ACTR2: variants seen among roughly 807,000 people sequenced by gnomAD.
ACTR2 encodes the protein actin-related protein 2.
Under a neutral mutation model 50.2 loss-of-function variants are expected in ACTR2, and 5 were observed. The ratio of observed to expected loss-of-function variants is 0.10; its 90% CI spans 0.05 to 0.21. The LOEUF (loss-of-function observed/expected upper bound fraction) is 0.21, where lower values mean the gene tolerates loss of function less well. Among genes scored for constraint, ACTR2 ranks in the 10% least tolerant of loss-of-function variants. The probability of loss-of-function intolerance (pLI) is 1.00; values close to 1 mark genes in which losing one functional copy is unlikely to be tolerated. For missense variants in ACTR2, 180 were observed against 480.6 expected (o/e 0.37, Z 5.85); for synonymous variants, 140 against 162.9 (o/e 0.86, Z 1.07).
intron 2 of ACTR2, chr2:65,242,089 G>A (rs759155219): frequency 1.3e-6 from 2 of 1,552,160 alleles, no homozygotes; most frequent in Admixed American, 3.3e-5. Flanking sequence ...CACATGCTCT[G>A]TTTGTTTTCC....
rs11424 is a variant in ACTR2, at chr2:65,268,884, C to T, written c.*150C>T. 3.6e-6 allele frequency: 3 copies of T among 828,572 alleles called. No homozygotes were observed. Among genetic ancestry groups the T allele is most frequent in the Middle Eastern group, 2.4e-4 (1 of 4,232 alleles). The allele number at this position is 828,572 out of a possible 1,614,324, so 51.3% of individuals were successfully genotyped here. A position where few individuals can be genotyped will look rare whatever the true frequency, so the allele number is the denominator to read the frequency against. On this transcript the variant is annotated 3_prime_UTR_variant, in exon 9 of 9. Transcript: ENST00000260641. ...GTTTTATTCTGGTGTCTTGGGGAAGCTTTGTTAAATTTTTGTTAATGTGGG... is the reference window on the plus strand; with the variant it reads ...GTTTTATTCTGGTGTCTTGGGGAAGTTTTGTTAAATTTTTGTTAATGTGGG...
chr2:65,237,860 G>T (rs1158609070), intron 1 of ACTR2, among the ~76,000 whole-genome samples: 1 of 152,084 alleles, frequency 6.6e-6, no homozygotes, highest in Non-Finnish European at 1.5e-5. Context: ...TACACCTGTA[G>T]TCCCAGCTAC....
chr2:65,260,904 G>A (rs1325042694), intron 6 of ACTR2, among the ~76,000 whole-genome samples: 1 of 151,744 alleles, frequency 6.6e-6, no homozygotes, highest in East Asian at 1.9e-4. Flanking sequence ...CTAATTTTTT[G>A]TATTTTTAGT....
chr2:65,265,155 G>A lies in ACTR2; in HGVS notation c.994G>A (p.Gly332Ser). Residue 332 changes from glycine (G) to serine (S), a missense_variant, in exon 8 of 9, where the codon GGT becomes AGT. Coordinates refer to ENST00000260641, the MANE Select transcript of ACTR2 (RefSeq NM_005722.4). The part of the protein sequence containing the change: ...KQLYLERVLK[G>S]DVEKLSKFKI... ...GCTTTACTTAGAACGAGTTTTGAAG[G>A]GTGATGTGGAAAAACTTTCTGTAAG... The A allele has an allele frequency of 6.2e-7, 1 of 1,614,138 alleles. No homozygotes were observed. The highest frequency in any genetic ancestry group is 8.5e-7 in the Non-Finnish European group (1 of 1,180,026).
chr2:65,268,003 A>AT (rs552406136), intron 8 of ACTR2, among the ~76,000 whole-genome samples: 11 of 149,120 alleles, frequency 7.4e-5, no homozygotes, highest in African/African-American at 2.2e-4. Flanking sequence ...TGCCCGGCTA[A>AT]TTTTTTTGTA....
At chr2:65,246,498 T>C in intron 2 of ACTR2, 26 bp from the exon 3 acceptor site, 1 of 1,497,804 alleles carries the variant, frequency 6.7e-7, no homozygotes, top group East Asian at 2.3e-5. Context: ...AAAACTTTGA[T>C]CTACAGCTTT....
chr2:65,239,492 G>A (rs1268404105), intron 1 of ACTR2, among the ~76,000 whole-genome samples: 1 of 152,216 alleles, frequency 6.6e-6, no homozygotes, highest in Non-Finnish European at 1.5e-5. Flanking sequence ...TTTGTTCAGC[G>A]AATTTGTCCA....
chr2:65,238,943 G>A (rs1031098254), intron 1 of ACTR2, among the ~76,000 whole-genome samples: 6 of 152,116 alleles, frequency 3.9e-5, no homozygotes, highest in African/African-American at 9.7e-5. Context: ...ACTCCAGCCT[G>A]GGCGACAAGA....
chr2:65,229,764 A>AAG (rs1221575758), intron 1 of ACTR2, among the ~76,000 whole-genome samples: 27 of 150,882 alleles, frequency 1.8e-4, no homozygotes, highest in African/African-American at 6.5e-4. Flanking sequence ...AAAAAAAAAA[A>AAG]AAAAAAAGAA....
rs541950147 is a variant in ACTR2, at chr2:65,250,825, T to C, written c.376-202T>C. Among the ~76,000 whole-genome samples the C allele has an allele frequency of 9.2e-5, 14 of 152,300 alleles. 1 individual carries two copies. The South Asian group carries it at 2.9e-3, about 32-fold the overall frequency. On this transcript the variant is annotated intron_variant, in intron 3 of 8. Transcript: ENST00000260641. ...CACGCTTATGAAATGCTTGGGGACTTAGAAATCTGTCTTCAGATTTGGAGC... is the reference window on the plus strand; with the variant it reads ...CACGCTTATGAAATGCTTGGGGACTCAGAAATCTGTCTTCAGATTTGGAGC...
At chr2:65,229,111 G>C (rs6546137) in intron 1 of ACTR2, among the ~76,000 whole-genome samples, 47,991 of 151,762 alleles carry the variant, frequency 0.32, 8,335 homozygotes, top group African/African-American at 0.44. Flanking sequence ...GTTTCATTCA[G>C]ACCTCCCTCT....
intron 4 of ACTR2, among the ~76,000 whole-genome samples, chr2:65,252,456 CTG>C (rs1429608948): frequency 6.6e-6 from 1 of 151,356 alleles, no homozygotes; most frequent in Non-Finnish European, 1.5e-5. Flanking sequence ...CTGACTAACA[CTG>C]TGAAACCCCG....
At chr2:65,230,403 ATTTTTTTTTTTT>A (rs11299935) in intron 1 of ACTR2, among the ~76,000 whole-genome samples, 15 of 78,182 alleles carry the variant, frequency 1.9e-4, no homozygotes, top group South Asian at 1.7e-3. Flanking sequence ...ACCGAAGCTG[ATTTTTTTTTTTT>A]TTTTTTTTTT....
At chr2:65,261,468 A>T in intron 7 of ACTR2, 76 bp downstream of exon 7, 2 of 1,330,150 alleles carry the variant, frequency 1.5e-6, no homozygotes, top group Non-Finnish European at 2.1e-6. Flanking sequence ...TTTATCAGAA[A>T]TAGATGGAAT....
At chr2:65,260,089 A>G (rs1180716005) in intron 6 of ACTR2, among the ~76,000 whole-genome samples, 1 of 152,218 alleles carries the variant, frequency 6.6e-6, no homozygotes, top group African/African-American at 2.4e-5. Flanking sequence ...TGTTCTGTAA[A>G]CTTTTTTGAT....
intron 6 of ACTR2, among the ~76,000 whole-genome samples, chr2:65,257,179 T>C (rs1452767232): frequency 3.3e-5 from 5 of 151,942 alleles, no homozygotes; most frequent in East Asian, 1.9e-4. Context: ...CTCCCACTTA[T>C]GAATGAGAAC....
chr2:65,238,632 C>G (rs1181171919), intron 1 of ACTR2, among the ~76,000 whole-genome samples: 2 of 136,010 alleles, frequency 1.5e-5, no homozygotes, highest in Non-Finnish European at 3.1e-5. Flanking sequence ...GCACTCCACC[C>G]TGGGCGACAG....
rs1473589589 is a variant in ACTR2 at position 65,270,545 on chromosome 2, C to T, written c.*1811C>T. 4.6e-5 allele frequency: 7 copies of T among 152,360 alleles called. No individual in the cohort carries two copies. The highest frequency in any genetic ancestry group is 7.3e-5 in the Non-Finnish European group (5 of 68,028). 9.4% of individuals were successfully genotyped at this position (152,360 alleles called of 1,614,324 possible). On this transcript the variant is annotated 3_prime_UTR_variant, in exon 9 of 9. Coordinates refer to ENST00000260641, the MANE Select transcript of ACTR2 (RefSeq NM_005722.4). ...TGAGAACGGGGCTTGTTAAAGGACG[C>T]GTATGTAGGGCCCGTACCTACTGGC...
chr2:65,257,531 T>G (rs1672174051), intron 6 of ACTR2, among the ~76,000 whole-genome samples: 2 of 152,228 alleles, frequency 1.3e-5, no homozygotes, highest in South Asian at 4.1e-4. Flanking sequence ...CCACATTGTC[T>G]TCCACAATGG....
Sources: allele counts gnomAD v4.1 joint callset (sites outside exome capture counted in the v4.1 genomes callset), GRCh38; gene constraint gnomAD v4.1.1; transcripts MANE v1.5; gene names NCBI Gene and HGNC (gene_info 2026-07-23, HGNC 2026-07-21).